Variants in STK3 observed in about 807,000 individuals in gnomAD.
STK3 encodes serine/threonine kinase 3.
A neutral mutation model predicts 58.0 loss-of-function variants in STK3; 41 were observed. The ratio of observed to expected loss-of-function variants is 0.71; its 90% CI spans 0.55 to 0.92. The LOEUF is 0.92. STK3 is among the 40% of genes least tolerant of loss of function. The pLI, the probability that STK3 is intolerant of heterozygous loss-of-function variation, is 0.00. For missense variants in STK3, 479 were observed against 602.7 expected (o/e 0.79, Z 2.15); for synonymous variants, 170 against 191.0 (o/e 0.89, Z 0.91).
chr8:98,653,276 G>A (rs190431376), intron 6 of STK3, among the ~76,000 whole-genome samples: 80 of 152,294 alleles, frequency 5.3e-4, no homozygotes, highest in Non-Finnish European at 9.3e-4. Flanking sequence ...GACGTGCTTT[G>A]AAACCAATGA....
intron 3 of STK3, among the ~76,000 whole-genome samples, chr8:98,425,879 C>G (rs913407593): frequency 2.6e-4 from 40 of 152,194 alleles, no homozygotes; most frequent in African/African-American, 9.2e-4. Context: ...GACTTCTGAC[C>G]GAGACATGTA....
chr8:98,785,488 C>T (rs1832402506), intron 1 of STK3, among the ~76,000 whole-genome samples: 1 of 152,188 alleles, frequency 6.6e-6, no homozygotes, highest in Non-Finnish European at 1.5e-5. Flanking sequence ...TGCGCTGACA[C>T]TTGTGCTTGC....
At chr8:98,382,241 C>T (rs1817742180) in intron 1 of STK3, among the ~76,000 whole-genome samples, 1 of 152,222 alleles carries the variant, frequency 6.6e-6, no homozygotes, top group Non-Finnish European at 1.5e-5. Context: ...ATGCTTCTCC[C>T]TGCCTGAGAA....
At position 98,700,494 on chromosome 8, in the gene STK3, A is replaced by G. The variant is rs962037422; in HGVS notation, c.684+5973T>C. Among the ~76,000 whole-genome samples the G allele has an allele frequency of 3.0e-4, 46 of 152,180 alleles. 1 individual carries two copies. Among genetic ancestry groups the G allele is most frequent in the Admixed American group, 2.9e-3 (45 of 15,292 alleles). On this transcript the variant is annotated intron_variant, in intron 6 of 10. Transcript: ENST00000419617. ...GGAGCTGTAGACCAGAGCTGTTCCT[A>G]TTCGGCCATCTTGGCTGCTTCCCCA...
At chr8:98,389,238 C>G (rs1191458506), upstream of STK3, among the ~76,000 whole-genome samples, 5 of 152,140 alleles carry the variant, frequency 3.3e-5, no homozygotes, top group Non-Finnish European at 7.3e-5. Context: ...TCACTTCAGC[C>G]CACAGCAATT....
chr8:98,894,185 A>C (rs1355720953), intron 1 of STK3, among the ~76,000 whole-genome samples: 1 of 152,158 alleles, frequency 6.6e-6, no homozygotes, highest in Non-Finnish European at 1.5e-5. Context: ...TTGGTGAACC[A>C]ATTCTACATA....
At chr8:98,741,206 G>C (rs913681741) in intron 4 of STK3, among the ~76,000 whole-genome samples, 9 of 152,146 alleles carry the variant, frequency 5.9e-5, no homozygotes, top group Admixed American at 2.6e-4. Flanking sequence ...AGTTAACAAG[G>C]ATATCCAGGA....
At chr8:98,702,261 T>C (rs1825683183) in intron 6 of STK3, among the ~76,000 whole-genome samples, 1 of 152,142 alleles carries the variant, frequency 6.6e-6, no homozygotes, top group Non-Finnish European at 1.5e-5. Flanking sequence ...AAAGAAATAA[T>C]CAATCTCTGA....
intron 1 of STK3, among the ~76,000 whole-genome samples, chr8:98,934,966 AGC>A (rs1840143654): frequency 1.3e-5 from 2 of 152,218 alleles, no homozygotes; most frequent in African/African-American, 4.8e-5. Flanking sequence ...ATATATAAAG[AGC>A]AAAGCACAAG....
chr8:98,401,102 T>C (rs6987962), downstream of STK3, among the ~76,000 whole-genome samples: 138,334 of 152,122 alleles, frequency 0.91, 63,136 homozygotes, highest in Admixed American at 0.95. Context: ...TCGGGACACA[T>C]GCCTTAGGAG....
At chr8:98,391,688 A>C (rs1277458132), upstream of STK3, among the ~76,000 whole-genome samples, 1 of 152,172 alleles carries the variant, frequency 6.6e-6, no homozygotes, top group Non-Finnish European at 1.5e-5. Flanking sequence ...TTTGCTCTTG[A>C]GCGTCCTTGC....
intron 3 of STK3, among the ~76,000 whole-genome samples, chr8:98,764,380 C>T (rs1185340678): frequency 6.6e-6 from 1 of 152,178 alleles, no homozygotes; most frequent in Non-Finnish European, 1.5e-5. Context: ...AAAAAGTATA[C>T]TGCTAGGCGC....
intron 10 of STK3, among the ~76,000 whole-genome samples, chr8:98,461,249 CT>C (rs1047958400): frequency 9.5e-5 from 14 of 147,862 alleles, no homozygotes; most frequent in Non-Finnish European, 1.1e-4. Flanking sequence ...CATTCTTTGT[CT>C]TTTTTTTTTA....
intron 10 of STK3, among the ~76,000 whole-genome samples, chr8:98,473,469 C>T (rs1249431179): frequency 3.9e-5 from 6 of 152,110 alleles, no homozygotes; most frequent in Non-Finnish European, 5.9e-5. Context: ...GGCCATTCCT[C>T]CAGTTGTCAC....
intron 3 of STK3, among the ~76,000 whole-genome samples, chr8:98,852,216 C>A (rs576363718): frequency 1.3e-5 from 2 of 151,856 alleles, no homozygotes; most frequent in Non-Finnish European, 2.9e-5. Flanking sequence ...TGGCTCACTG[C>A]AACCTCCGCC....
At chr8:98,447,999 TGA>T (rs1819035233) in intron 1 of STK3, among the ~76,000 whole-genome samples, 3 of 145,798 alleles carry the variant, frequency 2.1e-5, no homozygotes, top group Admixed American at 6.8e-5. Context: ...CAATATAAAC[TGA>T]AAAAAAAAAA....
rs563658929 is a variant in STK3, at chr8:98,644,663, T to G, written c.685-48494A>C. Among the ~76,000 whole-genome samples the G allele has an allele frequency of 3.6e-4, 55 of 152,260 alleles. No individual in the cohort carries two copies. In the Middle Eastern group the frequency reaches 0.01, roughly 28 times the overall value. On this transcript the variant is annotated intron_variant, in intron 6 of 10. Transcript: ENST00000419617. ...AACTATTTATTATATTAAAATATTTTTACTCAACAATCTTTTTCTCCTAAG... is the reference window on the plus strand; with the variant it reads ...AACTATTTATTATATTAAAATATTTGTACTCAACAATCTTTTTCTCCTAAG...
rs972833387 is a variant in STK3 at position 98,428,038 on chromosome 8, G to A, written n.483+6089C>T. 5 of 1,609,098 alleles carry A rather than the reference G, an allele frequency of 3.1e-6. No individual in the cohort carries two copies. The African/African-American group carries it at 4.0e-5, about 13-fold the overall frequency. On this transcript the variant is annotated intron_variant and non_coding_transcript_variant, in intron 3 of 3. Coordinates refer to the STK3 transcript ENST00000517832. This position sits in a 1 kb window ranked among gnomAD's most constrained non-coding sequence, Gnocchi z 6.7. ...GCTAACGTCGAGGACGGGGAGATCC[G>A]CATCAATGTGGGCGGCTTCAAGAGG...
intron 6 of STK3, among the ~76,000 whole-genome samples, chr8:98,674,785 C>T (rs1013496816): frequency 6.6e-6 from 1 of 152,114 alleles, no homozygotes; most frequent in African/African-American, 2.4e-5. Flanking sequence ...CGTTTCTTTG[C>T]CTCACATATT....
Sources: gnomAD v4.1 joint callset for allele counts (sites outside exome capture counted in the v4.1 genomes callset) on GRCh38, gnomAD v4.1.1 for gene constraint, Gnocchi (gnomAD v3.1) non-coding constraint, MANE v1.5 for transcripts, NCBI Gene and HGNC (gene_info 2026-07-23, HGNC 2026-07-21) for gene names.